ENPP1: variants seen among roughly 807,000 people sequenced by gnomAD.
ENPP1 encodes the protein ectonucleotide pyrophosphatase/phosphodiesterase 1.
A neutral mutation model predicts 122.8 loss-of-function variants in ENPP1; 73 were observed. The ratio of observed to expected loss-of-function variants is 0.59; its 90% CI spans 0.49 to 0.72. ENPP1 has a LOEUF of 0.72. ENPP1 is among the 30% of genes least tolerant of loss of function. ENPP1 has a pLI of 0.00. For missense variants in ENPP1, 978 were observed against 1,128.1 expected (o/e 0.87, Z 1.91); for synonymous variants, 367 against 391.6 (o/e 0.94, Z 0.74).
chr6:131,828,279 G>C (rs1360246004), intron 1 of ENPP1: 1 of 538,754 alleles, frequency 1.9e-6, no homozygotes, highest in Non-Finnish European at 3.6e-6. Flanking sequence ...CTCTGTGTCA[G>C]CTGGAGAGCT....
At chr6:131,881,497 G>A (rs192853643) in intron 20 of ENPP1, among the ~76,000 whole-genome samples, 41 of 152,118 alleles carry the variant, frequency 2.7e-4, no homozygotes, top group Non-Finnish European at 4.6e-4. Context: ...TTGCTGTTCG[G>A]TGACTGTCCT....
At chr6:131,855,382 GTGGTGTGATCT>G (rs1166068194) in intron 6 of ENPP1, among the ~76,000 whole-genome samples, 5 of 152,114 alleles carry the variant, frequency 3.3e-5, no homozygotes, top group African/African-American at 4.8e-5. Flanking sequence ...CTGGAGTGCA[GTGGTGTGATCT>G]TGGCTCACTG....
chr6:131,865,866 T>C (rs1008608738), intron 11 of ENPP1, among the ~76,000 whole-genome samples: 1 of 151,898 alleles, frequency 6.6e-6, no homozygotes, highest in Non-Finnish European at 1.5e-5. Context: ...CCTGGTGGTG[T>C]GTGCCTATAA....
At position 131,808,209 on chromosome 6, in the gene ENPP1, G is replaced by A. The variant is rs1337975655; in HGVS notation, c.174G>A (p.Glu58=). 4.0e-6 allele frequency: 6 copies of A among 1,511,892 alleles called. No individual in the cohort carries two copies. The South Asian group carries it at 5.0e-5, about 13-fold the overall frequency. 93.7% of individuals were successfully genotyped at this position (1,511,892 alleles called of 1,614,324 possible). The change falls in exon 1 of 25, where the codon GAG becomes GAA. Residue 58 remains glutamate (E), a synonymous_variant. Coordinates refer to ENST00000647893, the MANE Select transcript of ENPP1 (RefSeq NM_006208.3). ...SLLAPMDVGE[E]PLEKAARART... ...TGGCCCCTATGGACGTGGGGGAGGA[G>A]CCGCTGGAGAAGGCGGCGCGCGCCC...
At chr6:131,833,849 G>C (rs1405652500) in intron 1 of ENPP1, among the ~76,000 whole-genome samples, 2 of 152,188 alleles carry the variant, frequency 1.3e-5, no homozygotes, top group Non-Finnish European at 2.9e-5. Flanking sequence ...CAAGAACAGA[G>C]GAGTGGATAT....
At chr6:131,860,317 A>AT (rs1466540389) in intron 7 of ENPP1, 70 bp from the exon 8 acceptor site, 60 of 1,220,528 alleles carry the variant, frequency 4.9e-5, no homozygotes, top group Non-Finnish European at 6.2e-5. Flanking sequence ...CTTTTTGATG[A>AT]TTTTTTTCTG....
chr6:131,819,115 C>T (rs989746390), intron 1 of ENPP1, among the ~76,000 whole-genome samples: 1 of 151,978 alleles, frequency 6.6e-6, no homozygotes, highest in East Asian at 1.9e-4. Flanking sequence ...TAATGACATG[C>T]GTTAACATTT....
chr6:131,839,939 AT>A (rs959057740), intron 1 of ENPP1, among the ~76,000 whole-genome samples: 3 of 152,026 alleles, frequency 2.0e-5, no homozygotes, highest in Non-Finnish European at 2.9e-5. Flanking sequence ...GTGTATGTCT[AT>A]TTTTTCTTAT....
chr6:131,883,604 T>C, intron 21 of ENPP1, 90 bp from the exon 22 acceptor site: 1 of 742,650 alleles, frequency 1.3e-6, no homozygotes, highest in South Asian at 1.5e-5. Flanking sequence ...ACTCAGCTAA[T>C]TTTTAAAAAT....
At chr6:131,872,530 A>C (rs961474486) in intron 14 of ENPP1, among the ~76,000 whole-genome samples, 1 of 152,158 alleles carries the variant, frequency 6.6e-6, no homozygotes, top group African/African-American at 2.4e-5. Flanking sequence ...TTAAGTCTGC[A>C]AGAAAACTCT....
intron 11 of ENPP1, 91 bp from the exon 12 acceptor site, chr6:131,867,927 C>CT (rs879176917): frequency 0.042 from 30,564 of 727,312 alleles, 31 homozygotes; most frequent in East Asian, 0.05. Context: ...TTGTTTCTTT[C>CT]TTTTTTTTTT....
intron 20 of ENPP1, 73 bp from the exon 21 acceptor site, chr6:131,882,272 C>A: frequency 1.5e-6 from 2 of 1,321,756 alleles, no homozygotes; most frequent in Non-Finnish European, 1.1e-6. Context: ...TGTAGTTCAC[C>A]TTTAAATATT....
chr6:131,822,417 G>A (rs7757878), intron 1 of ENPP1, among the ~76,000 whole-genome samples: 161 of 152,056 alleles, frequency 1.1e-3, no homozygotes, highest in African/African-American at 3.8e-3. Context: ...GTTCCTTCTA[G>A]TTCCAAAATA....
At chr6:131,874,736 A>G (rs867023622) in intron 16 of ENPP1, among the ~76,000 whole-genome samples, 1 of 152,074 alleles carries the variant, frequency 6.6e-6, no homozygotes, top group Non-Finnish European at 1.5e-5. Flanking sequence ...AGACACCTGC[A>G]CTCGTATGTT....
At position 131,808,152 on chromosome 6, in the gene ENPP1, G is replaced by T. The variant is rs2114643362; in HGVS notation, c.117G>T (p.Ala39=). 2.8e-6 allele frequency: 4 copies of T among 1,442,738 alleles called. No individual in the cohort carries two copies. The highest frequency in any genetic ancestry group is 5.1e-5 in the Admixed American group (2 of 39,464). The allele number at this position is 1,442,738 out of a possible 1,614,324, so 89.4% of individuals were successfully genotyped here. Residue 39 remains alanine (A), a synonymous_variant, in exon 1 of 25, where the codon GCG becomes GCT. Coordinates refer to ENST00000647893, the MANE Select transcript of ENPP1 (RefSeq NM_006208.3). ...GGGGCCGCAGCCACGCTGCCGAGGC[G>T]CCCGGGGACCCGCAGGCGGCCGCGT... ...RDRGRSHAAE[A]PGDPQAAASL...
chr6:131,813,751 T>C (rs1290527327), intron 1 of ENPP1, among the ~76,000 whole-genome samples: 1 of 152,184 alleles, frequency 6.6e-6, no homozygotes, highest in East Asian at 1.9e-4. Flanking sequence ...TAGAATTAAG[T>C]GCGTTTGACC....
chr6:131,827,526 A>G, intron 1 of ENPP1: 1 of 619,176 alleles, frequency 1.6e-6, no homozygotes, highest in Non-Finnish European at 2.9e-6. Flanking sequence ...GTAGGCTTAT[A>G]TCCTGTAAAA....
At chr6:131,851,916 C>A (rs558419742) in intron 4 of ENPP1, among the ~76,000 whole-genome samples, 1 of 152,036 alleles carries the variant, frequency 6.6e-6, no homozygotes, top group African/African-American at 2.4e-5. Context: ...GAAAAGATAC[C>A]TTCAAGTTCT....
rs566092662 is a variant in ENPP1, at chr6:131,836,360, C to T, written c.241-11416C>T. On this transcript the variant is annotated intron_variant, in intron 1 of 24. Coordinates refer to ENST00000647893, the MANE Select transcript of ENPP1 (RefSeq NM_006208.3). ...AACTCCTGACCTCAGGTGATCTGCC[C>T]GCCTCAGCCTCCCAAAGTGCTGGGA... is the stretch of plus-strand genomic sequence containing the variant. 9.2e-5 allele frequency among the ~76,000 whole-genome samples: 14 copies of T among 152,088 alleles called. No individual in the cohort carries two copies. The South Asian group carries it at 1.0e-3, about 11-fold the overall frequency.
Sources: allele counts gnomAD v4.1 joint callset (sites outside exome capture counted in the v4.1 genomes callset), GRCh38; gene constraint gnomAD v4.1.1; transcripts MANE v1.5; gene names NCBI Gene and HGNC (gene_info 2026-07-23, HGNC 2026-07-21).